Variants in FRY observed in about 807,000 individuals in gnomAD.
FRY encodes the protein protein furry homolog.
In FRY, 128 loss-of-function variants were observed where a neutral mutation model predicts 348.4. The observed-to-expected ratio is 0.37, with a 90% confidence interval of 0.32 to 0.43. The LOEUF (loss-of-function observed/expected upper bound fraction) is 0.43. FRY is among the 20% of genes least tolerant of loss of function. The pLI is 1.00. For missense variants in FRY, 2,736 were observed against 3,695.2 expected (o/e 0.74, Z 6.73); for synonymous variants, 1,370 against 1,374.7 (o/e 1.00, Z 0.08).
chr13:32,261,598 C>T lies in FRY; in HGVS notation c.7417-18C>T, dbSNP rs1887652314. The T allele has an allele frequency of 6.2e-7, 1 of 1,610,840 alleles. No homozygotes were observed. The highest frequency in any genetic ancestry group is 1.1e-5 in the South Asian group (1 of 91,020). ...AGAGGATTTTGGCATAAAAAACCGG[C>T]TGATGGTGTGATTTCAGGGTGAGAG... On this transcript the variant is annotated intron_variant, in intron 51 of 60. Coordinates refer to ENST00000542859, the MANE Select transcript of FRY (RefSeq NM_023037.3).
chr13:32,069,496 G>A (rs1874482230), intron 1 of FRY, among the ~76,000 whole-genome samples: 2 of 152,152 alleles, frequency 1.3e-5, no homozygotes, highest in Non-Finnish European at 2.9e-5. Context: ...AACATAGGCA[G>A]CTGATTTGTT....
intron 2 of FRY, among the ~76,000 whole-genome samples, chr13:32,101,018 A>G (rs1877130649): frequency 6.6e-6 from 1 of 152,208 alleles, no homozygotes; most frequent in Non-Finnish European, 1.5e-5. Context: ...ACAATACATT[A>G]TTAACTGCAG....
intron 1 of FRY, among the ~76,000 whole-genome samples, chr13:32,039,864 A>G (rs1473372807): frequency 6.6e-6 from 1 of 152,246 alleles, no homozygotes; most frequent in Non-Finnish European, 1.5e-5. Flanking sequence ...AAGGCATTCA[A>G]ATCTGCATTA....
intron 49 of FRY, 89 bp downstream of exon 49, chr13:32,249,776 A>G: frequency 8.2e-7 from 1 of 1,223,782 alleles, no homozygotes; most frequent in South Asian, 1.3e-5. Flanking sequence ...CCCTCTCACC[A>G]TCCCAAGGTT....
At chr13:32,131,550 T>G (rs912065031) in intron 7 of FRY, 122 bp from the exon 8 acceptor site, 16 of 713,966 alleles carry the variant, frequency 2.2e-5, no homozygotes. Context: ...ATCATGGCTG[T>G]TGTACTTGAA....
intron 55 of FRY, among the ~76,000 whole-genome samples, 159 bp from the exon 56 acceptor site, chr13:32,274,683 G>A (rs148517047): frequency 0.012 from 1,429 of 120,406 alleles, 22 homozygotes; most frequent in East Asian, 0.05. Context: ...CAGCCTGGGC[G>A]ACAGAGCGAG....
chr13:32,133,441 C>G (rs1409259518), intron 8 of FRY, among the ~76,000 whole-genome samples: 1 of 152,144 alleles, frequency 6.6e-6, no homozygotes, highest in African/African-American at 2.4e-5. Context: ...TTATCCCACT[C>G]TCATATTAAT....
intron 3 of FRY, among the ~76,000 whole-genome samples, chr13:32,112,216 G>A (rs1652376839): frequency 6.6e-6 from 1 of 151,794 alleles, no homozygotes; most frequent in Admixed American, 6.6e-5. Flanking sequence ...TATTAACTTA[G>A]CCTGTGATCT....
intron 17 of FRY, among the ~76,000 whole-genome samples, chr13:32,168,561 G>T (rs1007417847): frequency 5.3e-5 from 8 of 152,188 alleles, no homozygotes; most frequent in Non-Finnish European, 1.2e-4. Context: ...AAGAAAGTTT[G>T]AAAACTTCTG....
At chr13:32,144,769 A>C (rs968512149) in intron 11 of FRY, among the ~76,000 whole-genome samples, 55 of 152,180 alleles carry the variant, frequency 3.6e-4, no homozygotes, top group African/African-American at 1.3e-3. Flanking sequence ...CAGAAATTTT[A>C]ATAGATCTTA....
rs770352094 is a variant in FRY at position 32,104,457 on chromosome 13, C to A, written c.324+2441C>A. 5.9e-5 allele frequency among the ~76,000 whole-genome samples: 9 copies of A among 152,298 alleles called. No homozygotes were observed. The South Asian group carries it at 6.2e-4, about 11-fold the overall frequency. On this transcript the variant is annotated intron_variant, in intron 3 of 60. Coordinates refer to ENST00000542859, the MANE Select transcript of FRY (RefSeq NM_023037.3). Reference sequence around the variant, plus strand: ...CACATGCACATTAACGCTTGAGAAGCCCTGCCCTGTAACATATCTCTATGT... The same window carrying A: ...CACATGCACATTAACGCTTGAGAAGACCTGCCCTGTAACATATCTCTATGT...
chr13:32,238,084 C>A, intron 44 of FRY, 98 bp downstream of exon 44: 1 of 1,375,746 alleles, frequency 7.3e-7, no homozygotes, highest in Non-Finnish European at 1.0e-6. Context: ...TTTAACAATT[C>A]TGCTTAAAAA....
chr13:32,245,497 C>T (rs1051061239), intron 47 of FRY, among the ~76,000 whole-genome samples: 4 of 151,798 alleles, frequency 2.6e-5, no homozygotes. Context: ...ACCTATAGTC[C>T]CAGCTACTTA....
chr13:32,156,327 G>T (rs962848501), intron 15 of FRY, among the ~76,000 whole-genome samples: 6 of 152,304 alleles, frequency 3.9e-5, no homozygotes, highest in Admixed American at 3.3e-4. Context: ...GATGTAATAG[G>T]TTGGGCGCAG....
At chr13:32,253,103 G>A (rs1887165974) in intron 50 of FRY, among the ~76,000 whole-genome samples, 1 of 152,184 alleles carries the variant, frequency 6.6e-6, no homozygotes, top group Non-Finnish European at 1.5e-5. Flanking sequence ...TTTACCTGGA[G>A]TACATTACAA....
chr13:32,253,687 C>T (rs1240755045), intron 50 of FRY, among the ~76,000 whole-genome samples: 2 of 152,162 alleles, frequency 1.3e-5, no homozygotes, highest in Non-Finnish European at 2.9e-5. Context: ...CCTGGTTACT[C>T]ACCTACTCTT....
chr13:32,252,512 A>G lies in FRY; in HGVS notation c.7245+560A>G, dbSNP rs202102205. Among the ~76,000 whole-genome samples, 13 of 152,384 alleles carry G rather than the reference A, an allele frequency of 8.5e-5. No individual in the cohort carries two copies. The East Asian group carries it at 2.1e-3, about 25-fold the overall frequency. Reference sequence around the variant, plus strand: ...TTATAAGTAAACTTTGGAAGCTTTTATAAAATTTAGAAAAAATTGAATTAG... The same window carrying G: ...TTATAAGTAAACTTTGGAAGCTTTTGTAAAATTTAGAAAAAATTGAATTAG... On this transcript the variant is annotated intron_variant, in intron 50 of 60. Coordinates refer to ENST00000542859, the MANE Select transcript of FRY (RefSeq NM_023037.3).
chr13:32,223,022 C>T (rs925505976), intron 36 of FRY, among the ~76,000 whole-genome samples: 4 of 152,232 alleles, frequency 2.6e-5, no homozygotes, highest in East Asian at 1.9e-4. Context: ...GGCATGATCT[C>T]GGCTCACTGC....
At chr13:32,074,137 A>C (rs1874858785) in intron 1 of FRY, among the ~76,000 whole-genome samples, 1 of 152,240 alleles carries the variant, frequency 6.6e-6, no homozygotes, top group Non-Finnish European at 1.5e-5. Flanking sequence ...GGGCCCTAAA[A>C]GTATAAAATA....
Sources: gnomAD v4.1 joint callset for allele counts (sites outside exome capture counted in the v4.1 genomes callset) on GRCh38, gnomAD v4.1.1 for gene constraint, MANE v1.5 for transcripts, NCBI Gene and HGNC (gene_info 2026-07-23, HGNC 2026-07-21) for gene names.